PIP5K1B: variants seen among roughly 807,000 people sequenced by gnomAD.
PIP5K1B encodes phosphatidylinositol 4-phosphate 5-kinase type-1 beta.
PIP5K1B carries 42 observed loss-of-function variants against 67.0 expected under a neutral mutation model. The observed-to-expected ratio is 0.63, with a 90% confidence interval of 0.49 to 0.81. The LOEUF is 0.81. Among genes scored for constraint, PIP5K1B ranks in the 30% least tolerant of loss-of-function variants. The pLI is 0.00. For synonymous variants in PIP5K1B, 214 were observed against 231.4 expected (o/e 0.92, Z 0.68); for missense variants, 459 against 646.3 (o/e 0.71, Z 3.14).
In PIP5K1B at chr9:68,830,233, C is replaced by T. The variant is rs1834229937; in HGVS notation, c.69+7550C>T. On this transcript the variant is annotated intron_variant, in intron 4 of 15. Transcript: ENST00000265382. ...GAACATTTTTTAAATAATTCCGTTA[C>T]ACTTAGAAGCATGTGTAATCATATC... Among the ~76,000 whole-genome samples the T allele has an allele frequency of 2.0e-5, 3 of 152,192 alleles. 1 individual carries two copies. The highest frequency in any genetic ancestry group is 7.2e-5 in the African/African-American group (3 of 41,532).
At chr9:68,812,559 G>C (rs934811785) in intron 2 of PIP5K1B, among the ~76,000 whole-genome samples, 2 of 152,196 alleles carry the variant, frequency 1.3e-5, no homozygotes, top group African/African-American at 4.8e-5. Context: ...GTTTTAACTA[G>C]GACTCTTGTG....
At chr9:68,708,453 C>T (rs1467072375) in intron 1 of PIP5K1B, among the ~76,000 whole-genome samples, 3 of 152,092 alleles carry the variant, frequency 2.0e-5, no homozygotes. Flanking sequence ...TTGTTGCTCT[C>T]TTTTCTGAAG....
chr9:68,714,950 C>A (rs1827563325), intron 1 of PIP5K1B, among the ~76,000 whole-genome samples: 1 of 152,128 alleles, frequency 6.6e-6, no homozygotes, highest in African/African-American at 2.4e-5. Flanking sequence ...CCCCTGAGTT[C>A]CCCCAGGACC....
intron 2 of PIP5K1B, among the ~76,000 whole-genome samples, chr9:68,765,449 G>T (rs1830381874): frequency 6.6e-6 from 1 of 151,942 alleles, no homozygotes. Flanking sequence ...AATGCAACAT[G>T]GAGAAAATGG....
chr9:68,812,002 A>G (rs1487599550), intron 2 of PIP5K1B, among the ~76,000 whole-genome samples: 1 of 152,136 alleles, frequency 6.6e-6, no homozygotes, highest in Non-Finnish European at 1.5e-5. Flanking sequence ...GGTGGTTGTA[A>G]TGCCCAGCAC....
In PIP5K1B at chr9:68,951,462, C is replaced by T. The variant is rs1285569183; in HGVS notation, c.1502+10672C>T. The stretch of plus-strand genomic sequence containing the variant: ...CATTTCAGTTGGTGTCCTCCTAATT[C>T]CAACCACCCTCACCTGCTGCTTTCT... On this transcript the variant is annotated intron_variant, in intron 14 of 15. Coordinates refer to ENST00000265382, the MANE Select transcript of PIP5K1B (RefSeq NM_003558.4). 2.6e-5 allele frequency among the ~76,000 whole-genome samples: 4 copies of T among 152,216 alleles called. No individual in the cohort carries two copies. The East Asian group carries it at 5.8e-4, about 22-fold the overall frequency.
At chr9:68,982,443 A>AATG (rs1829917853) in intron 14 of PIP5K1B, among the ~76,000 whole-genome samples, 1 of 152,204 alleles carries the variant, frequency 6.6e-6, no homozygotes, top group Non-Finnish European at 1.5e-5. Context: ...TAGACATTTA[A>AATG]ATGAAAATCC....
chr9:68,885,951 G>A (rs756048784), intron 6 of PIP5K1B, among the ~76,000 whole-genome samples: 14 of 152,194 alleles, frequency 9.2e-5, no homozygotes, highest in Non-Finnish European at 1.9e-4. Context: ...GGAGGGCGAG[G>A]CCGGCGGATC....
chr9:69,001,799 G>C (rs1830834964), intron 15 of PIP5K1B, among the ~76,000 whole-genome samples: 1 of 152,086 alleles, frequency 6.6e-6, no homozygotes, highest in African/African-American at 2.4e-5. Flanking sequence ...ATATCATGAG[G>C]TAACCACCCA....
chr9:68,962,024 A>G (rs1828777104), intron 14 of PIP5K1B, among the ~76,000 whole-genome samples: 1 of 152,184 alleles, frequency 6.6e-6, no homozygotes, highest in Admixed American at 6.5e-5. Context: ...AGTTTTGTGA[A>G]TCAAGTGTGT....
At chr9:68,748,832 G>A (rs1009881791) in intron 2 of PIP5K1B, among the ~76,000 whole-genome samples, 1 of 151,976 alleles carries the variant, frequency 6.6e-6, no homozygotes, top group Non-Finnish European at 1.5e-5. Context: ...GGCTGGTCTC[G>A]AACTCCCGAC....
chr9:68,952,255 CTTCATTTCTT>C, intron 14 of PIP5K1B, among the ~76,000 whole-genome samples: 1 of 152,178 alleles, frequency 6.6e-6, no homozygotes, highest in East Asian at 1.9e-4. Flanking sequence ...CCACCAGTGT[CTTCATTTCTT>C]CTCAAACCAT....
intron 5 of PIP5K1B, among the ~76,000 whole-genome samples, chr9:68,866,974 T>A (rs913321285): frequency 1.3e-5 from 2 of 152,078 alleles, no homozygotes; most frequent in Non-Finnish European, 2.9e-5. Flanking sequence ...TTGACCAGAG[T>A]GAAAAATAGC....
At chr9:68,942,951 C>T (rs1827636017) in intron 14 of PIP5K1B, among the ~76,000 whole-genome samples, 1 of 152,110 alleles carries the variant, frequency 6.6e-6, no homozygotes. Context: ...AGGCTGGCAC[C>T]AGGAAATCCA....
rs529410556 is a variant in PIP5K1B, at chr9:68,907,434, T to G, written c.772-10114T>G. 7.2e-5 allele frequency among the ~76,000 whole-genome samples: 11 copies of G among 152,006 alleles called. No homozygotes were observed. In the East Asian group the frequency reaches 2.1e-3, roughly 29 times the overall value. On this transcript the variant is annotated intron_variant, in intron 8 of 15. Coordinates refer to ENST00000265382, the MANE Select transcript of PIP5K1B (RefSeq NM_003558.4). Reference sequence around the variant, plus strand: ...CATGTGCATATATTAAAATAAATATTTAAAAAAATATTAAAATAAATATTA... The same window carrying G: ...CATGTGCATATATTAAAATAAATATGTAAAAAAATATTAAAATAAATATTA...
intron 2 of PIP5K1B, among the ~76,000 whole-genome samples, chr9:68,746,968 C>T (rs1829342886): frequency 6.6e-6 from 1 of 152,086 alleles, no homozygotes; most frequent in African/African-American, 2.4e-5. Flanking sequence ...TTGGCCCACA[C>T]AGTTGGGGAT....
At chr9:68,900,114 T>C (rs1458695045) in intron 8 of PIP5K1B, among the ~76,000 whole-genome samples, 1 of 152,254 alleles carries the variant, frequency 6.6e-6, no homozygotes, top group Non-Finnish European at 1.5e-5. Context: ...TTTTTATGGC[T>C]ACATAGTATT....
intron 6 of PIP5K1B, among the ~76,000 whole-genome samples, chr9:68,879,127 T>G (rs986489113): frequency 2.0e-5 from 3 of 152,160 alleles, no homozygotes; most frequent in African/African-American, 7.2e-5. Context: ...AGAAATAACT[T>G]TTTTGTGGGA....
chr9:68,938,944 G>A lies in PIP5K1B; in HGVS notation c.1358-1702G>A, dbSNP rs183778321. The stretch of plus-strand genomic sequence containing the variant: ...AGATTTAAAGGGCTCGTACAATTAG[G>A]TGAGGCTCCCCTGAATAATCTTCCC... On this transcript the variant is annotated intron_variant, in intron 13 of 15. Transcript: ENST00000265382. Among the ~76,000 whole-genome samples, 11 of 152,318 alleles carry A rather than the reference G, an allele frequency of 7.2e-5. No homozygotes were observed. The East Asian group carries it at 1.2e-3, about 16-fold the overall frequency.
Sources: gnomAD v4.1 joint callset for allele counts (sites outside exome capture counted in the v4.1 genomes callset) on GRCh38, gnomAD v4.1.1 for gene constraint, MANE v1.5 for transcripts, NCBI Gene and HGNC (gene_info 2026-07-23, HGNC 2026-07-21) for gene names.